CYREN: variants seen among roughly 807,000 people sequenced by gnomAD.
The protein encoded by CYREN is cell cycle regulator of NHEJ.
Under a neutral mutation model 9.7 loss-of-function variants are expected in CYREN, and 7 were observed. The ratio of observed to expected loss-of-function variants is 0.72; its 90% CI spans 0.41 to 1.36. The LOEUF (loss-of-function observed/expected upper bound fraction) is 1.36, where lower values mean the gene tolerates loss of function less well. Among genes scored for constraint, CYREN ranks in the 40% most tolerant of loss-of-function variants. The pLI is 0.01. For synonymous variants in CYREN, 76 were observed against 77.9 expected (o/e 0.98, Z 0.13); for missense variants, 215 against 198.1 (o/e 1.09, Z -0.51).
chr7:135,096,639 T>C lies in CYREN; in HGVS notation n.357-2057A>G, dbSNP rs1822863372. Among the ~76,000 whole-genome samples, 2 of 96,404 alleles carry C rather than the reference T, an allele frequency of 2.1e-5. 1 individual carries two copies. The highest frequency in any genetic ancestry group is 6.0e-4 in the South Asian group (2 of 3,326). The allele number at this position is 96,404 out of a possible 152,430, so 63.2% of individuals were successfully genotyped here. ...TAGATAGATAGGGCTATTCTTTTAA[T>C]GACTGGTGGAAGAACTTATACAACT... On this transcript the variant is annotated intron_variant and non_coding_transcript_variant, in intron 2 of 2. Coordinates refer to the CYREN transcript ENST00000459937.
intron 2 of CYREN, among the ~76,000 whole-genome samples, chr7:135,130,560 T>C (rs1777292143): frequency 1.3e-5 from 2 of 151,820 alleles, no homozygotes; most frequent in African/African-American, 4.8e-5. Flanking sequence ...GCAACACATG[T>C]TTTTATTTCC....
At chr7:135,164,996 C>T (rs1207962180), downstream of CYREN, 1 of 1,583,318 alleles carries the variant, frequency 6.3e-7, no homozygotes. Flanking sequence ...TTGAGAGCTG[C>T]TAAAGGCTTA....
intron 2 of CYREN, among the ~76,000 whole-genome samples, chr7:135,102,978 C>G (rs1174546461): frequency 1.3e-5 from 2 of 152,124 alleles, no homozygotes; most frequent in African/African-American, 4.8e-5. Context: ...AATTAAAATG[C>G]ATGGGACATA....
intron 2 of CYREN, among the ~76,000 whole-genome samples, chr7:135,148,915 T>C (rs1251917816): frequency 2.0e-5 from 3 of 152,218 alleles, no homozygotes; most frequent in Admixed American, 6.5e-5. Context: ...TTAGTTTCAC[T>C]AATAACTTCC....
intron 2 of CYREN, among the ~76,000 whole-genome samples, chr7:135,102,503 C>T (rs1473913464): frequency 6.6e-6 from 1 of 152,118 alleles, no homozygotes; most frequent in Non-Finnish European, 1.5e-5. Context: ...AAAATATGCA[C>T]CACACTTACT....
chr7:135,115,374 C>T (rs1406882037), intron 2 of CYREN: 2 of 1,537,820 alleles, frequency 1.3e-6, no homozygotes, highest in African/African-American at 1.4e-5. Context: ...TGTGGTTGCT[C>T]CCCAGATCTG....
At chr7:135,167,557 C>T (rs1255774600) in intron 3 of CYREN, 175 bp downstream of exon 3, 8 of 1,436,222 alleles carry the variant, frequency 5.6e-6, no homozygotes, top group Non-Finnish European at 7.3e-6. Flanking sequence ...CACGAGCGCA[C>T]ACCCACATGG....
At chr7:135,171,333 A>T (rs1466145503), upstream of CYREN, among the ~76,000 whole-genome samples, 1 of 151,858 alleles carries the variant, frequency 6.6e-6, no homozygotes, top group South Asian at 2.1e-4. Context: ...TTTTAAAAAA[A>T]AAAGGAAGTG....
intron 2 of CYREN, among the ~76,000 whole-genome samples, chr7:135,148,944 T>C (rs1377280377): frequency 6.6e-6 from 1 of 152,196 alleles, no homozygotes; most frequent in African/African-American, 2.4e-5. Context: ...TCTTCGCCTA[T>C]AAAATCAAAG....
downstream of CYREN, among the ~76,000 whole-genome samples, chr7:135,163,123 T>A (rs1360170698): frequency 1.3e-5 from 2 of 152,218 alleles, no homozygotes; most frequent in African/African-American, 2.4e-5. Context: ...CTAGTAATAG[T>A]GTAATGGATG....
intron 2 of CYREN, among the ~76,000 whole-genome samples, chr7:135,143,941 G>A (rs1286411055): frequency 3.9e-5 from 6 of 152,176 alleles, no homozygotes; most frequent in Admixed American, 3.9e-4. Flanking sequence ...AAACTCCACT[G>A]TGGGAGGATA....
chr7:135,144,785 T>G (rs1333331744), intron 2 of CYREN, among the ~76,000 whole-genome samples: 1 of 149,304 alleles, frequency 6.7e-6, no homozygotes. Context: ...ATATAAAAAT[T>G]AGCCAGGCAT....
intron 2 of CYREN, among the ~76,000 whole-genome samples, chr7:135,133,030 C>T (rs2117358090): frequency 6.6e-6 from 1 of 151,598 alleles, no homozygotes; most frequent in East Asian, 1.9e-4. Context: ...GTAGAAAATC[C>T]TAATAAATTT....
chr7:135,125,383 A>T (rs551309094), intron 2 of CYREN, among the ~76,000 whole-genome samples: 28 of 152,190 alleles, frequency 1.8e-4, no homozygotes, highest in Non-Finnish European at 4.0e-4. Context: ...CAAGTTCTGA[A>T]ATTGAGGCAA....
At chr7:135,155,570 T>C (rs1829772406) in intron 2 of CYREN, among the ~76,000 whole-genome samples, 1 of 152,240 alleles carries the variant, frequency 6.6e-6, no homozygotes, top group Non-Finnish European at 1.5e-5. Flanking sequence ...GGCTCATGCC[T>C]TTAATCCCAG....
Position 135,166,653 on chromosome 7 carries a change from T to C in CYREN, c.432A>G (p.Glu144=). ...CCCGGACGTATTTCAGCACATCCTC[T>C]TCCTCCTCCTCCTCAGGGCTCCTGC... The part of the protein sequence containing the change: ...ACSRSPEEEE[E]EDVLKYVREI... The change falls in exon 4 of 4, where the codon GAA becomes GAG. Residue 144 remains glutamate, a synonymous_variant. Transcript: ENST00000393114. 1 of 1,606,546 alleles carries C rather than the reference T, an allele frequency of 6.2e-7. No homozygotes were observed. Among genetic ancestry groups the C allele is most frequent in the South Asian group, 1.1e-5 (1 of 91,062 alleles).
rs557168398 is a variant in CYREN at position 135,134,159 on chromosome 7, C to T, written n.356+34590G>A. Among the ~76,000 whole-genome samples the T allele has an allele frequency of 7.2e-5, 11 of 152,128 alleles. No individual in the cohort carries two copies. The East Asian group carries it at 2.1e-3, about 29-fold the overall frequency. On this transcript the variant is annotated intron_variant and non_coding_transcript_variant, in intron 2 of 2. Coordinates refer to the CYREN transcript ENST00000459937. ...TCTTGACTACATCAATGTCAATATCCTGATTGTGATATTGTTCTATGGTTT... is the reference window on the plus strand; with the variant it reads ...TCTTGACTACATCAATGTCAATATCTTGATTGTGATATTGTTCTATGGTTT...
chr7:135,160,767 T>C (rs1048892747), intron 2 of CYREN, among the ~76,000 whole-genome samples: 1 of 151,032 alleles, frequency 6.6e-6, no homozygotes, highest in African/African-American at 2.4e-5. Context: ...GAGCCCCTAC[T>C]GTGTATCAAA....
At chr7:135,100,303 G>A (rs1823634189) in intron 2 of CYREN, among the ~76,000 whole-genome samples, 1 of 152,040 alleles carries the variant, frequency 6.6e-6, no homozygotes, top group Non-Finnish European at 1.5e-5. Flanking sequence ...GGTCATGGGG[G>A]GATAAAACTA....
Sources: gnomAD v4.1 joint callset for allele counts (sites outside exome capture counted in the v4.1 genomes callset) on GRCh38, gnomAD v4.1.1 for gene constraint, MANE v1.5 for transcripts, NCBI Gene and HGNC (gene_info 2026-07-23, HGNC 2026-07-21) for gene names.